Variants in RTL3 observed in about 807,000 individuals in gnomAD.
RTL3 encodes retrotransposon Gag like 3.
For synonymous variants in RTL3, 181 were observed against 132.2 expected (o/e 1.37, Z -2.53); for missense variants, 468 against 341.8 (o/e 1.37, Z -2.91).
At position 78,657,032 on chromosome X, in the gene RTL3, A is replaced by G. The variant is rs1367512188; in HGVS notation, c.1389T>C (p.His463=). The G allele has an allele frequency of 1.7e-6, 2 of 1,211,477 alleles. No homozygotes were observed. The highest frequency in any genetic ancestry group is 2.2e-5 in the Admixed American group (1 of 46,097). The change falls in exon 2 of 2, where the codon CAT becomes CAC. Residue 463 remains histidine (H), a synonymous_variant. Transcript: ENST00000321110. Reference sequence around the variant, plus strand: ...GGATGTTTCCCGCCTGCAGGGCCTGATGAGGCTTGACAGGGCAATCTCTGG... The same window carrying G: ...GGATGTTTCCCGCCTGCAGGGCCTGGTGAGGCTTGACAGGGCAATCTCTGG... ...HFARDCPVKP[H]QALQAGNIQA...
At position 78,656,979 on chromosome X, in the gene RTL3, A is replaced by C. The variant is rs770317259; in HGVS notation, c.*14T>G. The C allele has an allele frequency of 1.1e-5, 13 of 1,195,445 alleles. No homozygotes were observed. The African/African-American group carries it at 2.3e-4, about 21-fold the overall frequency. ...GGGACGCATATTTGTAGATTGGCCC[A>C]CGTGGGGTCCCCCTTACTGGCAGGC... On this transcript the variant is annotated 3_prime_UTR_variant, in exon 2 of 2. Transcript: ENST00000321110.
rs1922985209 is a variant in RTL3 at position 78,656,565 on chromosome X, A to G, written c.*428T>C. 1 of 122,747 alleles carries G rather than the reference A, an allele frequency of 8.1e-6. No homozygotes were observed. Among genetic ancestry groups the G allele is most frequent in the African/African-American group, 3.2e-5 (1 of 31,175 alleles). The allele number at this position is 122,747 out of a possible 1,213,427, so 10.1% of individuals were successfully genotyped here. On this transcript the variant is annotated 3_prime_UTR_variant, in exon 2 of 2. Coordinates refer to ENST00000321110, the MANE Select transcript of RTL3 (RefSeq NM_152694.3). ...TGTGCCTGAAGCAATTGTAGTGACA[A>G]TAACGTGATAGAAAGGACACAGTGC...
chrX:78,659,176 A>G (rs1335042158), intron 1 of RTL3, 85 bp downstream of exon 1: 1 of 109,040 alleles, frequency 9.2e-6, no homozygotes, highest in Non-Finnish European at 1.9e-5. Context: ...ATATATATAT[A>G]TATATGCCCT....
chrX:78,657,031 G>A lies in RTL3; in HGVS notation c.1390C>T (p.Gln464Ter), dbSNP rs1475418248. 2.5e-6 allele frequency: 3 copies of A among 1,210,334 alleles called. No individual in the cohort carries two copies. Among genetic ancestry groups the A allele is most frequent in the Non-Finnish European group, 3.4e-6 (3 of 894,996 alleles). Reference protein sequence around the residue: ...FARDCPVKPHQALQAGNIQAC... With the variant: ...FARDCPVKPH ...TGGATGTTTCCCGCCTGCAGGGCCT[G>A]ATGAGGCTTGACAGGGCAATCTCTG... The change falls in exon 2 of 2, where the codon CAG becomes TAG. Residue 464 changes from glutamine to a stop codon, truncating the protein, a stop_gained. Coordinates refer to ENST00000321110, the MANE Select transcript of RTL3 (RefSeq NM_152694.3). LOFTEE classifies it low-confidence loss of function (END_TRUNC).
rs937659257 is a variant in RTL3 at position 78,658,710 on chromosome X, A to T, written c.-228-62T>A. On this transcript the variant is annotated intron_variant, in intron 1 of 1. Transcript: ENST00000321110. ...GGAAAGCACACATTCAACATAAAAC[A>T]AAATCTGCCCAACAATGCTGGGTTT... The T allele has an allele frequency of 5.0e-5, 11 of 218,893 alleles. No homozygotes were observed. The Admixed American group carries it at 5.7e-4, about 11-fold the overall frequency. The allele number at this position is 218,893 out of a possible 1,213,427, so 18.0% of individuals were successfully genotyped here. A position where few individuals can be genotyped will look rare whatever the true frequency, so the allele number is the denominator to read the frequency against.
In RTL3 at chrX:78,657,754, C is replaced by A; in HGVS notation, c.667G>T (p.Glu223Ter). Residue 223 changes from glutamate to a stop codon, truncating the protein, a stop_gained, in exon 2 of 2, where the codon GAG becomes TAG. Coordinates refer to ENST00000321110, the MANE Select transcript of RTL3 (RefSeq NM_152694.3). LOFTEE classifies it low-confidence loss of function (END_TRUNC). ...AACCCAATAGGGGCCTGTGGAAACT[C>A]TGAAGCTGCTGATGTCTCCACAACT... ...LIVVETSAAS[E>*]FPQAPIGLEA... is the part of the protein sequence containing the mutation. 8.3e-7 allele frequency: 1 copy of A among 1,211,419 alleles called. No homozygotes were observed. The highest frequency in any genetic ancestry group is 3.0e-5 in the East Asian group (1 of 33,807).
intron 1 of RTL3, 57 bp from the exon 2 acceptor site, chrX:78,658,705 A>G (rs934135452): frequency 4.4e-6 from 1 of 227,663 alleles, no homozygotes; most frequent in Non-Finnish European, 8.2e-6. Flanking sequence ...CATTCAACAT[A>G]AAACAAAATC....
chrX:78,657,079 A>G lies in RTL3; in HGVS notation c.1342T>C (p.Cys448Arg). The change falls in exon 2 of 2, where the codon TGT (cysteine) becomes CGT (arginine). Residue 448 changes from cysteine (C) to arginine (R), a missense_variant. Cys to Arg is a radical substitution (Grantham distance 180). Transcript: ENST00000321110. ...RWHKGRLCLY[C>R]GYPGHFARDC... The stretch of plus-strand genomic sequence containing the variant: ...CTGGCAAAATGACCAGGATAACCAC[A>G]GTAGAGGCATAAGCGGCCTTTGTGC... The G allele has an allele frequency of 8.2e-7, 1 of 1,212,364 alleles. No homozygotes were observed.
Position 78,658,591 on chromosome X carries a change from C to T in RTL3, c.-171G>A. ...TGATTATCAAGAGGTCACTGGGAGC[C>T]TCCGGAGCTCGGCAAGAAGGAGCCT... On this transcript the variant is annotated 5_prime_UTR_variant, in exon 2 of 2. Transcript: ENST00000321110. 2 of 426,175 alleles carry T rather than the reference C, an allele frequency of 4.7e-6. No homozygotes were observed. The highest frequency in any genetic ancestry group is 8.3e-5 in the East Asian group (2 of 24,072). 35.1% of individuals were successfully genotyped at this position (426,175 alleles called of 1,213,427 possible).
rs773444551 is a variant in RTL3 at position 78,657,887 on chromosome X, TG to T, written c.533del (p.Ala178AspfsTer3). On this transcript the variant is annotated frameshift_variant, in exon 2 of 2. Transcript: ENST00000321110. LOFTEE classifies it low-confidence loss of function (END_TRUNC). ...GTGGAAGCTCAAGGAACTCTAGCTG[TG>T]CTGCAGTTTCCTGGTATTCTGGTGC... is the stretch of plus-strand genomic sequence containing the variant. ...QEAPEYQETA[A>X]QLEFLELPPP... is the part of the protein sequence containing the mutation. 4.2e-5 allele frequency: 51 copies of T among 1,205,276 alleles called. No homozygotes were observed. The highest frequency in any genetic ancestry group is 2.3e-4 in the Middle Eastern group (1 of 4,296).
In RTL3 at chrX:78,657,757, A is replaced by G; in HGVS notation, c.664T>C (p.Ser222Pro). ...CCAATAGGGGCCTGTGGAAACTCTG[A>G]AGCTGCTGATGTCTCCACAACTATT... ...GLIVVETSAA[S>P]EFPQAPIGLE... The change falls in exon 2 of 2, where the codon TCA becomes CCA. Residue 222 changes from serine (S) to proline (P), a missense_variant. Coordinates refer to ENST00000321110, the MANE Select transcript of RTL3 (RefSeq NM_152694.3). 1 of 1,211,330 alleles carries G rather than the reference A, an allele frequency of 8.3e-7. No individual in the cohort carries two copies. The highest frequency in any genetic ancestry group is 1.1e-6 in the Non-Finnish European group (1 of 895,386).
Position 78,656,673 on chromosome X carries a change from G to A in RTL3, c.*320C>T. The stretch of plus-strand genomic sequence containing the variant: ...GAGGGTATCGTGGTGCATGAATAAT[G>A]TCAAACTGGAGCTCTTCAACATGGT... On this transcript the variant is annotated 3_prime_UTR_variant, in exon 2 of 2. Coordinates refer to ENST00000321110, the MANE Select transcript of RTL3 (RefSeq NM_152694.3). The A allele has an allele frequency of 3.9e-6, 1 of 257,905 alleles. No individual in the cohort carries two copies. The highest frequency in any genetic ancestry group is 6.9e-6 in the Non-Finnish European group (1 of 145,423). 21.3% of individuals were successfully genotyped at this position (257,905 alleles called of 1,213,427 possible). A position where few individuals can be genotyped will look rare whatever the true frequency, so the allele number is the denominator to read the frequency against.
In RTL3 at chrX:78,658,171, C is replaced by T; in HGVS notation, c.250G>A (p.Glu84Lys). Residue 84 changes from glutamate to lysine, a missense_variant, in exon 2 of 2, where the codon GAA (glutamate) becomes AAA (lysine). Transcript: ENST00000321110. ...WEAQKTPEFK[E>K]PQKPPEPQDL... ...TGTGGCTCTGGTGGCTTCTGGGGTT[C>T]CTTGAACTCTGGGGTCTTTTGGGCC... is the stretch of plus-strand genomic sequence containing the variant. The T allele has an allele frequency of 8.4e-7, 1 of 1,185,991 alleles. No homozygotes were observed. Among genetic ancestry groups the T allele is most frequent in the Non-Finnish European group, 1.1e-6 (1 of 885,464 alleles).
In RTL3 at chrX:78,657,211, T is replaced by C; in HGVS notation, c.1210A>G (p.Ser404Gly). The change falls in exon 2 of 2, where the codon AGT becomes GGT. Residue 404 changes from serine to glycine, a missense_variant. Ser to Gly is a moderately conservative substitution (Grantham distance 56). Transcript: ENST00000321110. ...EKPDPNPLGK[S>G]SSAEGDGPES... ...GGTCCATCTCCCTCTGCAGAGGAAC[T>C]TTTCCCTAATGGATTGGGATCAGGC... The C allele has an allele frequency of 8.2e-7, 1 of 1,212,212 alleles. No homozygotes were observed. The highest frequency in any genetic ancestry group is 1.1e-6 in the Non-Finnish European group (1 of 895,614).
At position 78,657,575 on chromosome X, in the gene RTL3, G is replaced by T. The variant is rs774637118; in HGVS notation, c.846C>A (p.Cys282Ter). 9 of 1,205,547 alleles carry T rather than the reference G, an allele frequency of 7.5e-6. No individual in the cohort carries two copies. The highest frequency in any genetic ancestry group is 1.0e-5 in the Non-Finnish European group (9 of 892,845). ...ACCACCATCCTGCCCTACCTGAGAA[G>T]CAATTGCCAACAAAGCTCACCAGGG... ...EAALVSFVGN[C>*]FSGRAGWWFQ... Residue 282 changes from cysteine to a stop codon, truncating the protein, a stop_gained, in exon 2 of 2, where the codon TGC becomes TGA. Transcript: ENST00000321110. LOFTEE classifies it low-confidence loss of function (END_TRUNC).
At position 78,658,248 on chromosome X, in the gene RTL3, G is replaced by A; in HGVS notation, c.173C>T (p.Ala58Val). The A allele has an allele frequency of 3.3e-6, 4 of 1,210,240 alleles. No individual in the cohort carries two copies. The highest frequency in any genetic ancestry group is 2.3e-4 in the Middle Eastern group (1 of 4,348). Residue 58 changes from alanine to valine, a missense_variant, in exon 2 of 2, where the codon GCC (alanine) becomes GTC (valine). By Grantham distance (64) the Ala-to-Val change is moderately conservative (BLOSUM62 0). Transcript: ENST00000321110. Reference protein sequence around the residue: ...EYDLLRKSSEAKEPQKLPEHM... With the variant: ...EYDLLRKSSEVKEPQKLPEHM... ...CTCTGGGAGCTTCTGGGGCTCCTTGGCCTCTGAGGACTTTCGGAGTAGATC... is the reference window on the plus strand; with the variant it reads ...CTCTGGGAGCTTCTGGGGCTCCTTGACCTCTGAGGACTTTCGGAGTAGATC...
In RTL3 at chrX:78,656,797, C is replaced by T. The variant is rs1922993644; in HGVS notation, c.*196G>A. ...TTCCAGCATCAGAGGGAAGATATTA[C>T]TGCGGATGGGCAGCTTCTCTCGAAG... is the stretch of plus-strand genomic sequence containing the variant. On this transcript the variant is annotated 3_prime_UTR_variant, in exon 2 of 2. Transcript: ENST00000321110. 2 of 441,793 alleles carry T rather than the reference C, an allele frequency of 4.5e-6. No homozygotes were observed. The highest frequency in any genetic ancestry group is 7.5e-6 in the Non-Finnish European group (2 of 266,370). The allele number at this position is 441,793 out of a possible 1,213,427, so 36.4% of individuals were successfully genotyped here.
Position 78,657,544 on chromosome X carries a change from G to C in RTL3, c.877C>G (p.Leu293Val). The C allele has an allele frequency of 8.3e-7, 1 of 1,207,223 alleles. No individual in the cohort carries two copies. The highest frequency in any genetic ancestry group is 1.1e-6 in the Non-Finnish European group (1 of 893,089). The stretch of plus-strand genomic sequence containing the variant: ...AAGGGGCTTTGGATATCCAGTAAGA[G>C]CTGGAACCACCATCCTGCCCTACCT... ...FSGRAGWWFQLLLDIQSPLLE... is the reference protein window; with the variant it reads ...FSGRAGWWFQVLLDIQSPLLE... Residue 293 changes from leucine to valine, a missense_variant, in exon 2 of 2, where the codon CTC becomes GTC. Transcript: ENST00000321110.
chrX:78,658,624 T>G lies in RTL3; in HGVS notation c.-204A>C, dbSNP rs1424428829. On this transcript the variant is annotated 5_prime_UTR_variant, in exon 2 of 2. Coordinates refer to ENST00000321110, the MANE Select transcript of RTL3 (RefSeq NM_152694.3). ...CTCGGCAAGAAGGAGCCTCCGGAGC[T>G]CAGTAAGGGGAAGTGTCAGATACAC... The G allele has an allele frequency of 1.4e-5, 5 of 361,027 alleles. No individual in the cohort carries two copies. Among genetic ancestry groups the G allele is most frequent in the Non-Finnish European group, 2.0e-5 (4 of 204,566 alleles). The allele number at this position is 361,027 out of a possible 1,213,427, so 29.8% of individuals were successfully genotyped here.
Sources: gnomAD v4.1 joint callset for allele counts on GRCh38, gnomAD v4.1.1 for gene constraint, MANE v1.5 for transcripts, NCBI Gene and HGNC (gene_info 2026-07-23, HGNC 2026-07-21) for gene names.